Variants in HIVEP2 observed in about 807,000 individuals in gnomAD.
HIVEP2 encodes HIVEP zinc finger 2, also known as transcription factor HIVEP2.
In HIVEP2, 14 loss-of-function variants were observed where a neutral mutation model predicts 180.7. The ratio of observed to expected loss-of-function variants is 0.08; its 90% confidence interval spans 0.05 to 0.12. HIVEP2 has a LOEUF of 0.12. HIVEP2 is among the 10% of genes least tolerant of loss of function. The pLI is 1.00. For missense variants in HIVEP2, 2,579 were observed against 3,008.5 expected, an observed-to-expected ratio of 0.86 and a Z score of 3.34; for synonymous variants, 1,184 against 1,136.4, an observed-to-expected ratio of 1.04 and a Z score of -0.84.
intron 1 of HIVEP2, among the ~76,000 whole-genome samples, chr6:142,928,566 A>G (rs898017548): frequency 6.6e-6 from 1 of 152,226 alleles, no homozygotes; most frequent in Admixed American, 6.5e-5. Flanking sequence ...TTCCCCACTT[A>G]CAGTGATGCA....
At chr6:142,896,456 G>A (rs4896603) in intron 1 of HIVEP2, among the ~76,000 whole-genome samples, 3,389 of 152,122 alleles carry the variant, frequency 0.022, 178 homozygotes, top group Admixed American at 0.14. Flanking sequence ...ATCTAGAGGG[G>A]CTGAGAAAAA....
At chr6:142,813,904 C>A (rs1368267157) in intron 2 of HIVEP2, among the ~76,000 whole-genome samples, 1 of 152,030 alleles carries the variant, frequency 6.6e-6, no homozygotes, top group Middle Eastern at 3.4e-3. Flanking sequence ...TCTTTACAAT[C>A]TTTCCTCTAT....
chr6:142,806,226 T>C (rs1776545302), intron 2 of HIVEP2, among the ~76,000 whole-genome samples: 1 of 152,124 alleles, frequency 6.6e-6, no homozygotes, highest in Admixed American at 6.6e-5. Context: ...TAGCTTACAA[T>C]CTCCTTTGAG....
chr6:142,862,490 GATTATA>G (rs1776008394), intron 1 of HIVEP2, among the ~76,000 whole-genome samples: 1 of 103,114 alleles, frequency 9.7e-6, no homozygotes, highest in South Asian at 2.4e-4. Context: ...ACATATAATC[GATTATA>G]TGTATCATAT....
chr6:142,865,630 T>G (rs189498051), intron 1 of HIVEP2, among the ~76,000 whole-genome samples: 159 of 152,302 alleles, frequency 1.0e-3, no homozygotes, highest in Non-Finnish European at 2.0e-3. Context: ...TAATTACTTT[T>G]TTAATGTGCA....
At chr6:142,916,947 C>A (rs1041186779) in intron 1 of HIVEP2, among the ~76,000 whole-genome samples, 2 of 152,138 alleles carry the variant, frequency 1.3e-5, no homozygotes, top group African/African-American at 4.8e-5. Flanking sequence ...AAGATACATA[C>A]AGTATTTAAT....
intron 1 of HIVEP2, among the ~76,000 whole-genome samples, chr6:142,841,133 A>AT (rs1343343840): frequency 2.6e-5 from 4 of 151,860 alleles, no homozygotes; most frequent in African/African-American, 9.7e-5. Flanking sequence ...TTTTTTATAC[A>AT]TTTTTTCCTG....
Position 142,939,020 on chromosome 6 carries a change from A to G in HIVEP2, c.-641+6079T>C, listed in dbSNP as rs371181438. Among the ~76,000 whole-genome samples the G allele has an allele frequency of 4.5e-4, 68 of 152,232 alleles. No individual in the cohort carries two copies. The East Asian group carries it at 0.012, about 26-fold the overall frequency. Reference sequence around the variant, plus strand: ...AATTACCTTGTAATTTTAACTATAAACATGTCTGCAAGTTGGTGTTTGATG... The same window carrying G: ...AATTACCTTGTAATTTTAACTATAAGCATGTCTGCAAGTTGGTGTTTGATG... On this transcript the variant is annotated intron_variant, in intron 1 of 9. Transcript: ENST00000367603.
rs1296628151 is a variant in HIVEP2 at position 142,752,152 on chromosome 6, T to C, written c.*955A>G. ...AGCATAGGTCTGTGGCAACCTAGTG[T>C]CCAACTGAGTTACATAAAATTGTAC... is the stretch of plus-strand genomic sequence containing the variant. On this transcript the variant is annotated 3_prime_UTR_variant, in exon 10 of 10. Transcript: ENST00000367603. 1 of 152,696 alleles carries C rather than the reference T, an allele frequency of 6.5e-6. No individual in the cohort carries two copies. Among genetic ancestry groups the C allele is most frequent in the East Asian group, 1.9e-4 (1 of 5,206 alleles). The allele number at this position is 152,696 out of a possible 1,614,324, so 9.5% of individuals were successfully genotyped here.
intron 9 of HIVEP2, among the ~76,000 whole-genome samples, chr6:142,756,821 CTAT>C (rs2114597601): frequency 6.6e-6 from 1 of 152,118 alleles, no homozygotes; most frequent in Non-Finnish European, 1.5e-5. Flanking sequence ...ATCTATCTAT[CTAT>C]CTATCTATCT....
intron 1 of HIVEP2, among the ~76,000 whole-genome samples, chr6:142,862,846 T>G (rs1158892731): frequency 1.5e-5 from 2 of 134,154 alleles, no homozygotes; most frequent in Non-Finnish European, 3.1e-5. Flanking sequence ...TTATATATAT[T>G]TATTTATATA....
intron 1 of HIVEP2, among the ~76,000 whole-genome samples, chr6:142,904,107 C>A (rs1405727367): frequency 6.6e-6 from 1 of 152,128 alleles, no homozygotes; most frequent in Non-Finnish European, 1.5e-5. Context: ...ACCCAAATTT[C>A]CAGTCATTTT....
chr6:142,765,360 G>A (rs1485060578), intron 6 of HIVEP2, among the ~76,000 whole-genome samples: 1 of 152,216 alleles, frequency 6.6e-6, no homozygotes, highest in Non-Finnish European at 1.5e-5. Flanking sequence ...TGTTCATCAT[G>A]TATCTTTTGT....
At chr6:142,798,626 T>C (rs182256925) in intron 2 of HIVEP2, among the ~76,000 whole-genome samples, 4 of 152,166 alleles carry the variant, frequency 2.6e-5, no homozygotes, top group Admixed American at 2.6e-4. Context: ...CCTCTCAAAA[T>C]GAGAAGAGAT....
At chr6:142,927,511 G>T (rs1262493466) in intron 1 of HIVEP2, among the ~76,000 whole-genome samples, 1 of 152,048 alleles carries the variant, frequency 6.6e-6, no homozygotes, top group African/African-American at 2.4e-5. Flanking sequence ...AGGCAAGAAG[G>T]CCCCCTGAGA....
At chr6:142,790,993 A>T (rs1776124513) in intron 2 of HIVEP2, among the ~76,000 whole-genome samples, 1 of 152,246 alleles carries the variant, frequency 6.6e-6, no homozygotes, top group Admixed American at 6.5e-5. Context: ...AAAGCCTATG[A>T]CATATCATAT....
Position 142,774,285 on chromosome 6 carries a change from T to G in HIVEP2, c.454A>C (p.Arg152=). 1.2e-6 allele frequency: 2 copies of G among 1,614,118 alleles called. No individual in the cohort carries two copies. Among genetic ancestry groups the G allele is most frequent in the Non-Finnish European group, 1.7e-6 (2 of 1,180,028 alleles). The change falls in exon 5 of 10, where the codon AGA becomes CGA. Residue 152 remains arginine (R), a synonymous_variant. Transcript: ENST00000367603. This position sits in a 1 kb window ranked among gnomAD's most constrained non-coding sequence, Gnocchi z 5.1. ...GGGTTCAGACTTGAAATCTTTTTTC[T>G]AGGATAACCACCACTGTGGCCATGT... ...PIHGHSGGYP[R]KKISSLNPAY...
At chr6:142,925,825 A>C (rs760940989) in intron 1 of HIVEP2, among the ~76,000 whole-genome samples, 1 of 152,198 alleles carries the variant, frequency 6.6e-6, no homozygotes, top group Non-Finnish European at 1.5e-5. Flanking sequence ...GAAACTACTA[A>C]ATAATATTTT....
At chr6:142,823,631 C>T (rs1311457553) in intron 2 of HIVEP2, among the ~76,000 whole-genome samples, 1 of 152,232 alleles carries the variant, frequency 6.6e-6, no homozygotes, top group Non-Finnish European at 1.5e-5. Context: ...GTGCTCTGAT[C>T]AGTGGTTCTA....
Sources: gnomAD v4.1 joint callset for allele counts (sites outside exome capture counted in the v4.1 genomes callset) on GRCh38, gnomAD v4.1.1 for gene constraint, Gnocchi (gnomAD v3.1) non-coding constraint, MANE v1.5 for transcripts, NCBI Gene and HGNC (gene_info 2026-07-23, HGNC 2026-07-21) for gene names.